The following ZNF33A variants were observed in gnomAD, a reference collection of about 807,000 sequenced individuals.
ZNF33A encodes zinc finger protein 33A.
In ZNF33A, 9 loss-of-function variants were observed where a neutral mutation model predicts 15.9. The ratio of observed to expected loss-of-function variants is 0.57; its 90% CI spans 0.34 to 0.99. The LOEUF (loss-of-function observed/expected upper bound fraction) is 0.99, where lower values mean the gene tolerates loss of function less well. Ranked by LOEUF, ZNF33A falls within the 50% of genes least tolerant of loss-of-function variation. The pLI, the probability that ZNF33A is intolerant of heterozygous loss-of-function variation, is 0.02. For missense variants in ZNF33A, 843 were observed against 941.6 expected, an observed-to-expected ratio of 0.90 and a Z score of 1.37; for synonymous variants, 294 against 324.2, an observed-to-expected ratio of 0.91 and a Z score of 1.00.
chr10:38,013,004 G>T (rs1414360570), intron 2 of ZNF33A, among the ~76,000 whole-genome samples: 1 of 152,180 alleles, frequency 6.6e-6, no homozygotes, highest in African/African-American at 2.4e-5. Flanking sequence ...ACCCTGAAAT[G>T]AGTGCAGCCT....
chr10:38,036,390 A>G (rs954531314), intron 4 of ZNF33A, among the ~76,000 whole-genome samples: 1 of 152,074 alleles, frequency 6.6e-6, no homozygotes, highest in African/African-American at 2.4e-5. Context: ...GTGAGCTGAG[A>G]TTGCACCATT....
intron 4 of ZNF33A, among the ~76,000 whole-genome samples, chr10:38,053,265 G>T (rs1415026790): frequency 2.0e-5 from 3 of 152,082 alleles, no homozygotes; most frequent in Admixed American, 1.3e-4. Flanking sequence ...GTGCCAGCAG[G>T]GTTGGTTTCT....
At chr10:38,060,732 A>T (rs1407166398), downstream of ZNF33A, among the ~76,000 whole-genome samples, 2 of 152,204 alleles carry the variant, frequency 1.3e-5, no homozygotes, top group African/African-American at 4.8e-5. Flanking sequence ...ATCCAGTCCA[A>T]TTTTAACTAA....
chr10:38,028,789 T>G lies in ZNF33A; in HGVS notation c.250+11403T>G, dbSNP rs543456242. Among the ~76,000 whole-genome samples, 3 of 152,240 alleles carry G rather than the reference T, an allele frequency of 2.0e-5. No homozygotes were observed. The East Asian group carries it at 5.8e-4, about 29-fold the overall frequency. On this transcript the variant is annotated intron_variant, in intron 4 of 4. Coordinates refer to ENST00000432900, the MANE Select transcript of ZNF33A (RefSeq NM_006954.2). ...TGGACTGATTTTTATAGTGAATCAT[T>G]TTTATTCCCTTCTTTATTCCCTTCT...
intron 4 of ZNF33A, among the ~76,000 whole-genome samples, chr10:38,051,053 T>C (rs563610775): frequency 2.0e-5 from 3 of 151,922 alleles, no homozygotes; most frequent in South Asian, 4.2e-4. Flanking sequence ...AACAAAGAAG[T>C]CAATTTTAAA....
chr10:38,046,382 G>A (rs544263017), intron 4 of ZNF33A, among the ~76,000 whole-genome samples: 6 of 152,306 alleles, frequency 3.9e-5, no homozygotes, highest in South Asian at 2.1e-4. Context: ...GGAAAAACTC[G>A]TAATTCAGAG....
chr10:38,045,314 T>G (rs1021462569), intron 4 of ZNF33A, among the ~76,000 whole-genome samples: 2 of 152,200 alleles, frequency 1.3e-5, no homozygotes, highest in Non-Finnish European at 2.9e-5. Context: ...GGCAGTGGTG[T>G]TAACAGTGCT....
intron 4 of ZNF33A, among the ~76,000 whole-genome samples, chr10:38,029,643 C>A (rs1456782330): frequency 2.6e-5 from 4 of 152,120 alleles, no homozygotes; most frequent in Non-Finnish European, 5.9e-5. Flanking sequence ...ACAACATGGA[C>A]CTGTTGTCCA....
chr10:38,040,987 A>C (rs1275032140), intron 4 of ZNF33A, among the ~76,000 whole-genome samples: 4 of 152,178 alleles, frequency 2.6e-5, no homozygotes, highest in Admixed American at 6.5e-5. Flanking sequence ...GACTATTATC[A>C]GGATGTAACT....
At chr10:38,028,834 T>G (rs1483757859) in intron 4 of ZNF33A, among the ~76,000 whole-genome samples, 1 of 152,206 alleles carries the variant, frequency 6.6e-6, no homozygotes, top group African/African-American at 2.4e-5. Flanking sequence ...CTGTGTATAT[T>G]TTTTAGATAT....
intron 4 of ZNF33A, among the ~76,000 whole-genome samples, chr10:38,045,205 A>T (rs1428313488): frequency 6.6e-6 from 1 of 152,016 alleles, no homozygotes; most frequent in Non-Finnish European, 1.5e-5. Context: ...AGGTGACTTG[A>T]CTGTACTATT....
intron 1 of ZNF33A, among the ~76,000 whole-genome samples, chr10:38,011,398 A>T (rs1310269167): frequency 6.6e-6 from 1 of 152,130 alleles, no homozygotes; most frequent in East Asian, 1.9e-4. Flanking sequence ...CAGCCTGACC[A>T]ACATGGTGAA....
chr10:38,043,758 A>G (rs1340129316), intron 4 of ZNF33A: 1 of 151,950 alleles, frequency 6.6e-6, no homozygotes, highest in Non-Finnish European at 1.5e-5. Context: ...ATGAGAAGCC[A>G]TATGTTAATC....
At chr10:38,016,016 T>G (rs1248125537) in intron 2 of ZNF33A, 9 of 1,231,588 alleles carry the variant, frequency 7.3e-6, no homozygotes, top group Non-Finnish European at 9.1e-6. Context: ...ACAATCCAAT[T>G]GGATGTCTTC....
chr10:38,013,083 G>T (rs1401916815), intron 2 of ZNF33A, among the ~76,000 whole-genome samples: 2 of 152,052 alleles, frequency 1.3e-5, no homozygotes, highest in Admixed American at 6.6e-5. Context: ...TGTAGTGTTT[G>T]ATCAGTAAAT....
intron 4 of ZNF33A, chr10:38,043,868 T>C (rs998542348): frequency 1.3e-5 from 2 of 151,940 alleles, no homozygotes; most frequent in Non-Finnish European, 2.9e-5. Flanking sequence ...CTTTTTTTTT[T>C]TTTTTGTTTA....
rs542722242 is a variant in ZNF33A, at chr10:38,026,022, C to T, written c.250+8636C>T. ...TGAATATTTCATGTCAGTAGTGTGA[C>T]AACATTTGGCCTTTCATGTCTGCCT... On this transcript the variant is annotated intron_variant, in intron 4 of 4. Coordinates refer to ENST00000432900, the MANE Select transcript of ZNF33A (RefSeq NM_006954.2). Among the ~76,000 whole-genome samples, 3 of 152,288 alleles carry T rather than the reference C, an allele frequency of 2.0e-5. No individual in the cohort carries two copies. The South Asian group carries it at 6.2e-4, about 32-fold the overall frequency.
chr10:38,063,377 GAGAC>G (rs1384605352), downstream of ZNF33A, among the ~76,000 whole-genome samples: 19 of 152,184 alleles, frequency 1.2e-4, no homozygotes, highest in African/African-American at 3.6e-4. Context: ...TGGGAAAGAG[GAGAC>G]AGACAAAGAC....
intron 4 of ZNF33A, among the ~76,000 whole-genome samples, chr10:38,022,524 G>GT (rs1226758018): frequency 3.3e-5 from 5 of 151,958 alleles, no homozygotes; most frequent in Non-Finnish European, 7.4e-5. Flanking sequence ...TGGTGTGGTG[G>GT]TGCACGCCTG....
Sources: allele counts gnomAD v4.1 joint callset (sites outside exome capture counted in the v4.1 genomes callset), GRCh38; gene constraint gnomAD v4.1.1; transcripts MANE v1.5; gene names NCBI Gene and HGNC (gene_info 2026-07-23, HGNC 2026-07-21).